Variants in TMCC1 observed in about 807,000 individuals in gnomAD.
TMCC1 encodes the protein transmembrane and coiled-coil domain family 1.
A neutral mutation model predicts 52.4 loss-of-function variants in TMCC1; 15 were observed. The observed-to-expected ratio is 0.29, with a 90% CI of 0.19 to 0.44. TMCC1 has a LOEUF of 0.44. Among genes scored for constraint, TMCC1 ranks in the 20% least tolerant of loss-of-function variants. The pLI, the probability that TMCC1 is intolerant of heterozygous loss-of-function variation, is 1.00. For missense variants in TMCC1, 503 were observed against 806.0 expected (o/e 0.62, Z 4.55); for synonymous variants, 279 against 301.9 (o/e 0.92, Z 0.79).
At chr3:129,882,520 C>T (rs2061505343) in intron 1 of TMCC1, among the ~76,000 whole-genome samples, 1 of 151,966 alleles carries the variant, frequency 6.6e-6, no homozygotes, top group Admixed American at 6.6e-5. Flanking sequence ...GGGTTTATAG[C>T]AAAAAAGATT....
chr3:129,863,486 T>C (rs537854244), intron 2 of TMCC1, among the ~76,000 whole-genome samples: 1 of 152,106 alleles, frequency 6.6e-6, no homozygotes, highest in South Asian at 2.1e-4. Flanking sequence ...GAGATTCTAC[T>C]GAGAAGGTGA....
intron 4 of TMCC1, among the ~76,000 whole-genome samples, chr3:129,759,195 T>C (rs1204448710): frequency 1.3e-5 from 2 of 152,026 alleles, no homozygotes; most frequent in Non-Finnish European, 2.9e-5. Context: ...TATTCTTCCA[T>C]AACTGCCTCC....
intron 4 of TMCC1, among the ~76,000 whole-genome samples, chr3:129,706,002 T>C (rs1207158792): frequency 6.6e-6 from 1 of 151,344 alleles, no homozygotes; most frequent in Non-Finnish European, 1.5e-5. Flanking sequence ...GCGATTCTCC[T>C]GCCTCAGCCT....
chr3:129,801,309 C>T (rs2057179428), intron 4 of TMCC1, among the ~76,000 whole-genome samples: 1 of 151,882 alleles, frequency 6.6e-6, no homozygotes, highest in East Asian at 1.9e-4. Context: ...CAACAATTTA[C>T]TCAGAAATTT....
At chr3:129,829,036 T>C (rs1274464737) in intron 3 of TMCC1, among the ~76,000 whole-genome samples, 1 of 152,254 alleles carries the variant, frequency 6.6e-6, no homozygotes, top group African/African-American at 2.4e-5. Flanking sequence ...TGTGTTACCA[T>C]TCATATTCAT....
At chr3:129,851,660 C>T (rs1179507913) in intron 2 of TMCC1, among the ~76,000 whole-genome samples, 3 of 152,166 alleles carry the variant, frequency 2.0e-5, no homozygotes, top group Non-Finnish European at 4.4e-5. Flanking sequence ...GGTACAGCCA[C>T]TGTGGAAAAC....
At chr3:129,832,334 C>T (rs961758461) in intron 3 of TMCC1, among the ~76,000 whole-genome samples, 4 of 151,854 alleles carry the variant, frequency 2.6e-5, no homozygotes, top group Non-Finnish European at 5.9e-5. Context: ...CAAAAGGACA[C>T]AGGAAAAAGG....
intron 2 of TMCC1, among the ~76,000 whole-genome samples, chr3:129,869,460 A>G (rs1050563310): frequency 3.9e-5 from 6 of 152,182 alleles, no homozygotes; most frequent in African/African-American, 1.4e-4. Context: ...CTGAATTTGC[A>G]GCCAAGCCAG....
At chr3:129,740,225 C>T (rs946128485) in intron 4 of TMCC1, among the ~76,000 whole-genome samples, 3 of 152,134 alleles carry the variant, frequency 2.0e-5, no homozygotes, top group Admixed American at 6.5e-5. Flanking sequence ...ATGTATTCTC[C>T]TAGATACCAA....
intron 4 of TMCC1, among the ~76,000 whole-genome samples, chr3:129,785,683 G>A (rs2055966605): frequency 6.6e-6 from 1 of 152,108 alleles, no homozygotes; most frequent in Admixed American, 6.6e-5. Context: ...TTAGAAGACA[G>A]TGAAAGAATG....
chr3:129,759,333 TCTCG>T (rs2053291148), intron 4 of TMCC1, among the ~76,000 whole-genome samples: 1 of 150,082 alleles, frequency 6.7e-6, no homozygotes, highest in Non-Finnish European at 1.5e-5. Flanking sequence ...AGTGGCACAA[TCTCG>T]GCTCACTGCA....
intron 2 of TMCC1, among the ~76,000 whole-genome samples, chr3:129,842,441 G>C (rs141334555): frequency 1.3e-3 from 190 of 151,544 alleles, no homozygotes; most frequent in Admixed American, 3.6e-3. Context: ...ATTCCAGCCT[G>C]GGTGATACAG....
intron 4 of TMCC1, among the ~76,000 whole-genome samples, chr3:129,673,184 T>C (rs1464296534): frequency 6.6e-6 from 1 of 152,108 alleles, no homozygotes; most frequent in African/African-American, 2.4e-5. Context: ...CCAATTCATC[T>C]TTTGGTGCAT....
chr3:129,705,808 G>A (rs1481292273), intron 4 of TMCC1, among the ~76,000 whole-genome samples: 1 of 151,804 alleles, frequency 6.6e-6, no homozygotes, highest in Admixed American at 6.6e-5. Context: ...TAGCCAGGAT[G>A]GTCTCGATCT....
chr3:129,886,526 G>A (rs2061709833), intron 1 of TMCC1, among the ~76,000 whole-genome samples: 2 of 152,132 alleles, frequency 1.3e-5, no homozygotes, highest in Non-Finnish European at 2.9e-5. Context: ...TGATGAACAG[G>A]TACACAAAAC....
chr3:129,668,214 G>A (rs1405264628), intron 5 of TMCC1, among the ~76,000 whole-genome samples: 1 of 152,080 alleles, frequency 6.6e-6, no homozygotes, highest in Non-Finnish European at 1.5e-5. Flanking sequence ...AAAAAATAGA[G>A]GAGTCAAAGT....
At chr3:129,887,992 T>G (rs1285569889) in intron 1 of TMCC1, among the ~76,000 whole-genome samples, 2 of 152,184 alleles carry the variant, frequency 1.3e-5, no homozygotes, top group Non-Finnish European at 2.9e-5. Flanking sequence ...AGGAAGTAAG[T>G]AGGGAAAGCT....
chr3:129,765,814 T>C (rs562273705), intron 4 of TMCC1, among the ~76,000 whole-genome samples: 1 of 151,624 alleles, frequency 6.6e-6, no homozygotes, highest in South Asian at 2.1e-4. Context: ...TGTCTAAAAA[T>C]AAGAAATCAG....
chr3:129,872,716 G>A (rs528686874), intron 2 of TMCC1, among the ~76,000 whole-genome samples: 34 of 151,984 alleles, frequency 2.2e-4, no homozygotes, highest in Admixed American at 3.9e-4. Flanking sequence ...TAAAGGTGAG[G>A]GGAAAAATGT....
Sources: gnomAD v4.1 joint callset for allele counts (sites outside exome capture counted in the v4.1 genomes callset) on GRCh38, gnomAD v4.1.1 for gene constraint, MANE v1.5 for transcripts, NCBI Gene and HGNC (gene_info 2026-07-23, HGNC 2026-07-21) for gene names.